MAML2: variants seen among roughly 807,000 people sequenced by gnomAD.
MAML2 encodes the protein mastermind-like protein 2.
A neutral mutation model predicts 96.1 loss-of-function variants in MAML2; 22 were observed. The observed-to-expected ratio is 0.23, with a 90% CI of 0.16 to 0.33. The LOEUF (loss-of-function observed/expected upper bound fraction) is 0.33. Among genes scored for constraint, MAML2 ranks in the 10% least tolerant of loss-of-function variants. The probability of loss-of-function intolerance (pLI) is 1.00; values close to 1 mark genes in which losing one functional copy is unlikely to be tolerated. For missense variants in MAML2, 1,367 were observed against 1,392.4 expected (o/e 0.98, Z 0.29); for synonymous variants, 561 against 521.3 (o/e 1.08, Z -1.04).
chr11:96,253,665 G>T (rs1239956742), intron 1 of MAML2, among the ~76,000 whole-genome samples: 1 of 152,146 alleles, frequency 6.6e-6, no homozygotes, highest in Non-Finnish European at 1.5e-5. Flanking sequence ...TTTTCCTCAA[G>T]AAAAGGCAAA....
At chr11:96,076,177 T>C (rs1285724628) in intron 2 of MAML2, among the ~76,000 whole-genome samples, 1 of 152,186 alleles carries the variant, frequency 6.6e-6, no homozygotes, top group Non-Finnish European at 1.5e-5. Flanking sequence ...GTCTCACAGA[T>C]GCTCAGGGGT....
At chr11:96,153,129 C>G (rs1046744996) in intron 1 of MAML2, among the ~76,000 whole-genome samples, 2 of 151,982 alleles carry the variant, frequency 1.3e-5, no homozygotes, top group African/African-American at 4.8e-5. Context: ...AAAATTTAGG[C>G]CCCATCTGGA....
In MAML2 at chr11:96,004,807, A is replaced by G. The variant is rs547124949; in HGVS notation, c.2140-13084T>C. ...AGATCATGTAAATAAAATATGTGACACAGTCTCTGGCCCCTATGAGGTGTT... is the reference window on the plus strand; with the variant it reads ...AGATCATGTAAATAAAATATGTGACGCAGTCTCTGGCCCCTATGAGGTGTT... On this transcript the variant is annotated intron_variant, in intron 2 of 4. Transcript: ENST00000524717. 5.9e-5 allele frequency among the ~76,000 whole-genome samples: 9 copies of G among 152,320 alleles called. No homozygotes were observed. In the South Asian group the frequency reaches 1.7e-3, roughly 28 times the overall value.
rs147871662 is a variant in MAML2, at chr11:96,093,627, T to A, written c.514-110A>T. The A allele has an allele frequency of 2.5e-4, 213 of 855,762 alleles. No homozygotes were observed. In the African/African-American group the frequency reaches 3.1e-3, roughly 12 times the overall value. 53.0% of individuals were successfully genotyped at this position (855,762 alleles called of 1,614,324 possible). On this transcript the variant is annotated intron_variant, in intron 1 of 4. Transcript: ENST00000524717. ...TGTTTCTTCTATTTACACACAAGAT[T>A]CAGTTTTTTAAAAAAATGGCACAGA...
At position 95,976,738 on chromosome 11, in the gene MAML2, T is replaced by C. The variant is rs1216602375; in HGVS notation, c.*2210A>G. 1 of 182,214 alleles carries C rather than the reference T, an allele frequency of 5.5e-6. No individual in the cohort carries two copies. The highest frequency in any genetic ancestry group is 1.2e-5 in the Non-Finnish European group (1 of 85,498). 11.3% of individuals were successfully genotyped at this position (182,214 alleles called of 1,614,324 possible). A position where few individuals can be genotyped will look rare whatever the true frequency, so the allele number is the denominator to read the frequency against. On this transcript the variant is annotated 3_prime_UTR_variant, in exon 5 of 5. Transcript: ENST00000524717. ...TGATAACTACTACAAAACATACTATTTATGTTAGGGTAAAAATAAGCTGAC... is the reference window on the plus strand; with the variant it reads ...TGATAACTACTACAAAACATACTATCTATGTTAGGGTAAAAATAAGCTGAC...
rs746268264 is a variant in MAML2, at chr11:96,092,217, TGC to T, written c.1812_1813del (p.Gln605AlafsTer125). The T allele has an allele frequency of 1.9e-4, 6 of 31,446 alleles. No homozygotes were observed. The East Asian group carries it at 0.19, about 983-fold the overall frequency. 1.9% of individuals were successfully genotyped at this position (31,446 alleles called of 1,614,324 possible). A position where few individuals can be genotyped will look rare whatever the true frequency, so the allele number is the denominator to read the frequency against. On this transcript the variant is annotated frameshift_variant, in exon 2 of 5. Transcript: ENST00000524717. LOFTEE classifies it high-confidence loss of function. This position sits in a 1 kb window ranked among gnomAD's most constrained non-coding sequence, Gnocchi z 4.1. ...TTGCTGCTGCTGCTGCTGTTGCTGC[TGC>T]TGCTGCTGCTGCTGCTGCTGCTGCT... is the stretch of plus-strand genomic sequence containing the variant.
chr11:96,023,289 T>C (rs1312979934), intron 2 of MAML2, among the ~76,000 whole-genome samples: 1 of 152,224 alleles, frequency 6.6e-6, no homozygotes, highest in Admixed American at 6.5e-5. Context: ...GACGGCATTG[T>C]TGCCATATGA....
chr11:96,038,994 C>A (rs1033749314), intron 2 of MAML2, among the ~76,000 whole-genome samples: 2 of 152,150 alleles, frequency 1.3e-5, no homozygotes, highest in South Asian at 4.1e-4. Context: ...ACTGGTGGCA[C>A]ACATCTGTAA....
intron 1 of MAML2, among the ~76,000 whole-genome samples, chr11:96,129,787 T>C (rs1184236834): frequency 6.6e-6 from 1 of 152,210 alleles, no homozygotes; most frequent in Non-Finnish European, 1.5e-5. Context: ...CCTCTGTCCC[T>C]ACTTTTGGAG....
chr11:96,188,978 C>A (rs893095035), intron 1 of MAML2, among the ~76,000 whole-genome samples: 1 of 151,972 alleles, frequency 6.6e-6, no homozygotes, highest in African/African-American at 2.4e-5. Flanking sequence ...GAGGAGAAAC[C>A]ATTACTCTTT....
intron 2 of MAML2, among the ~76,000 whole-genome samples, chr11:96,042,734 C>T (rs1007652121): frequency 8.3e-5 from 12 of 143,774 alleles, no homozygotes; most frequent in African/African-American, 2.6e-4. Context: ...ACCAACCAAT[C>T]GTTAACGTTC....
At chr11:96,115,175 T>G (rs1264505087) in intron 1 of MAML2, among the ~76,000 whole-genome samples, 2 of 151,952 alleles carry the variant, frequency 1.3e-5, no homozygotes, top group Non-Finnish European at 2.9e-5. Flanking sequence ...TTTTTTTTTT[T>G]TCTGTAAGAG....
chr11:96,305,276 A>T (rs1033984219), intron 1 of MAML2, among the ~76,000 whole-genome samples: 24 of 152,280 alleles, frequency 1.6e-4, no homozygotes, highest in South Asian at 6.2e-4. Flanking sequence ...ATAATGAAAG[A>T]TGTACATTAT....
intron 1 of MAML2, among the ~76,000 whole-genome samples, chr11:96,175,964 A>C (rs192712972): frequency 4.6e-5 from 7 of 152,362 alleles, no homozygotes; most frequent in African/African-American, 1.7e-4. Context: ...TCTAATTCAC[A>C]TAACACATTG....
chr11:96,083,994 T>C (rs1443291128), intron 2 of MAML2, among the ~76,000 whole-genome samples: 1 of 152,162 alleles, frequency 6.6e-6, no homozygotes, highest in African/African-American at 2.4e-5. Context: ...TAGGATTAGG[T>C]TAGCCAAGCT....
intron 1 of MAML2, among the ~76,000 whole-genome samples, chr11:96,236,471 G>C (rs959175017): frequency 1.3e-5 from 2 of 152,032 alleles, no homozygotes; most frequent in Admixed American, 6.6e-5. Flanking sequence ...CATTCTTTCT[G>C]CCTGGAAAAT....
chr11:96,212,423 AAAG>A (rs1325282687), intron 1 of MAML2, among the ~76,000 whole-genome samples: 1 of 152,096 alleles, frequency 6.6e-6, no homozygotes, highest in Non-Finnish European at 1.5e-5. Context: ...AGGATCCAGC[AAAG>A]AAGGAGCAAG....
intron 1 of MAML2, among the ~76,000 whole-genome samples, chr11:96,167,717 C>T (rs1441758044): frequency 6.6e-6 from 1 of 152,204 alleles, no homozygotes. Context: ...AATGAATCAT[C>T]TCATTCATTA....
chr11:96,124,429 A>T (rs1316159977), intron 1 of MAML2, among the ~76,000 whole-genome samples: 3 of 152,194 alleles, frequency 2.0e-5, no homozygotes, highest in African/African-American at 7.2e-5. Flanking sequence ...TAAGAAGAAG[A>T]ATAGAAAGAT....
Sources: allele counts gnomAD v4.1 joint callset (sites outside exome capture counted in the v4.1 genomes callset), GRCh38; gene constraint gnomAD v4.1.1; non-coding constraint Gnocchi (gnomAD v3.1); transcripts MANE v1.5; gene names NCBI Gene and HGNC (gene_info 2026-07-23, HGNC 2026-07-21).